Variants in MYO6 observed in about 807,000 individuals in gnomAD.
MYO6 encodes the protein unconventional myosin-VI.
A neutral mutation model predicts 178.7 loss-of-function variants in MYO6; 74 were observed. That is an observed-to-expected ratio of 0.41 (90% CI 0.34 to 0.50). The LOEUF (loss-of-function observed/expected upper bound fraction) is 0.50. MYO6 is among the 20% of genes least tolerant of loss of function. The pLI is 0.09. For missense variants in MYO6, 1,330 were observed against 1,547.4 expected (o/e 0.86, Z 2.36); for synonymous variants, 477 against 504.6 (o/e 0.95, Z 0.73).
intron 9 of MYO6, among the ~76,000 whole-genome samples, chr6:75,843,902 T>G (rs1160334463): frequency 1.3e-5 from 2 of 152,154 alleles, no homozygotes; most frequent in Non-Finnish European, 2.9e-5. Flanking sequence ...TATAAAATTT[T>G]TTTTGGTATG....
intron 13 of MYO6, among the ~76,000 whole-genome samples, chr6:75,858,258 T>G (rs1253864381): frequency 1.3e-5 from 2 of 152,190 alleles, no homozygotes; most frequent in South Asian, 4.1e-4. Flanking sequence ...TCTAAAGCAC[T>G]TGTATTTTAA....
In MYO6 at chr6:75,858,533, G is replaced by C. The variant is rs555467524; in HGVS notation, c.1382-369G>C. On this transcript the variant is annotated intron_variant, in intron 13 of 34. Coordinates refer to ENST00000369977, the MANE Select transcript of MYO6 (RefSeq NM_004999.4). Reference sequence around the variant, plus strand: ...AGGCATGAGAATCACTTGAACCCGGGGGCGGAGGTTGCAGTGAGCCAAGAT... The same window carrying C: ...AGGCATGAGAATCACTTGAACCCGGCGGCGGAGGTTGCAGTGAGCCAAGAT... 1.4e-4 allele frequency among the ~76,000 whole-genome samples: 22 copies of C among 152,224 alleles called. No individual in the cohort carries two copies. The South Asian group carries it at 4.6e-3, about 32-fold the overall frequency.
intron 20 of MYO6, among the ~76,000 whole-genome samples, chr6:75,877,448 G>C (rs1417451704): frequency 6.6e-6 from 1 of 151,810 alleles, no homozygotes; most frequent in African/African-American, 2.4e-5. Flanking sequence ...TGTATTTTTA[G>C]AAGAGACTGA....
intron 19 of MYO6, among the ~76,000 whole-genome samples, chr6:75,872,072 T>C (rs1465888133): frequency 6.6e-6 from 1 of 152,024 alleles, no homozygotes; most frequent in Non-Finnish European, 1.5e-5. Flanking sequence ...GAGGTTGCAG[T>C]GAGCCAAGAT....
At chr6:75,799,271 TC>T in intron 1 of MYO6, among the ~76,000 whole-genome samples, 2 of 152,006 alleles carry the variant, frequency 1.3e-5, no homozygotes, top group South Asian at 4.2e-4. Context: ...GCCCCTGTAA[TC>T]CCAGCTACTA....
At chr6:75,878,896 G>A (rs1777776984) in intron 20 of MYO6, among the ~76,000 whole-genome samples, 1 of 152,124 alleles carries the variant, frequency 6.6e-6, no homozygotes, top group South Asian at 2.1e-4. Context: ...GACCTGAAAA[G>A]CTCACATTGA....
chr6:75,860,881 T>C (rs562677399), intron 14 of MYO6, 142 bp from the exon 15 acceptor site: 5 of 678,892 alleles, frequency 7.4e-6, no homozygotes, highest in African/African-American at 3.6e-5. Flanking sequence ...AAATCTGTTA[T>C]GTTTTTGGAA....
At chr6:75,787,712 CTCTCTCTCTCTCTCTCTCTATATATA>C (rs1258133183) in intron 1 of MYO6, among the ~76,000 whole-genome samples, 18 of 66,988 alleles carry the variant, frequency 2.7e-4, no homozygotes, top group East Asian at 2.2e-3. Context: ...CTCTCTCTCT[CTCTCTCTCTCTCTCTCTCTATATATA>C]TATATATATA....
At chr6:75,841,646 A>T (rs1165352882) in intron 9 of MYO6, among the ~76,000 whole-genome samples, 1 of 152,122 alleles carries the variant, frequency 6.6e-6, no homozygotes, top group Admixed American at 6.5e-5. Context: ...GTGAGCCATG[A>T]TTGTGCCACT....
At position 75,914,129 on chromosome 6, in the gene MYO6, G is replaced by A. The variant is rs763284731; in HGVS notation, c.3506G>A (p.Arg1169His). ...GAGATTGAAATGAACCGACAGCAAC[G>A]CTTCTTCCGCATCCCATTCATCCGC... ...QREIEMNRQQRFFRIPFIRPA... is the reference protein window; with the variant it reads ...QREIEMNRQQHFFRIPFIRPA... The change falls in exon 34 of 35, where the codon CGC (arginine) becomes CAC (histidine). Residue 1169 changes from arginine to histidine, a missense_variant. Physicochemically the swap from Arg to His is conservative, Grantham distance 29. This residue lies in a region of MYO6 where 601 missense variants were observed against 626.1 expected (regional missense o/e 0.96). Coordinates refer to ENST00000369977, the MANE Select transcript of MYO6 (RefSeq NM_004999.4). 1.2e-5 allele frequency: 20 copies of A among 1,613,990 alleles called. No individual in the cohort carries two copies. In the East Asian group the frequency reaches 1.8e-4, roughly 14 times the overall value.
At chr6:75,849,680 A>G (rs1013280351) in intron 11 of MYO6, among the ~76,000 whole-genome samples, 7 of 152,194 alleles carry the variant, frequency 4.6e-5, no homozygotes, top group African/African-American at 1.7e-4. Context: ...CCGAGTGGGT[A>G]GCCAGAGTTA....
At chr6:75,797,113 A>G (rs1768929218) in intron 1 of MYO6, among the ~76,000 whole-genome samples, 1 of 151,992 alleles carries the variant, frequency 6.6e-6, no homozygotes, top group Admixed American at 6.6e-5. Flanking sequence ...TTTTTGAGAC[A>G]GAGTCTTGCT....
At chr6:75,908,424 A>G (rs1041700016) in intron 31 of MYO6, 72 bp from the exon 32 acceptor site, 1 of 1,460,612 alleles carries the variant, frequency 6.8e-7, no homozygotes, top group African/African-American at 1.4e-5. Context: ...ATGCGACAGA[A>G]TAATTATATC....
At position 75,917,925 on chromosome 6, in the gene MYO6, G is replaced by C. The variant is rs1388125338; in HGVS notation, c.*2913G>C. Reference sequence around the variant, plus strand: ...AAGTAGCTTAAGAGTACTTGGATCAGTAGAATAAATATTTATTGAATCAAT... The same window carrying C: ...AAGTAGCTTAAGAGTACTTGGATCACTAGAATAAATATTTATTGAATCAAT... On this transcript the variant is annotated 3_prime_UTR_variant, in exon 35 of 35. Transcript: ENST00000369977. The C allele has an allele frequency of 6.6e-6, 1 of 152,424 alleles. No homozygotes were observed. The highest frequency in any genetic ancestry group is 1.5e-5 in the Non-Finnish European group (1 of 68,034). 9.4% of individuals were successfully genotyped at this position (152,424 alleles called of 1,614,324 possible).
At chr6:75,908,418 G>A (rs1349556366) in intron 31 of MYO6, 78 bp from the exon 32 acceptor site, 29 of 1,408,810 alleles carry the variant, frequency 2.1e-5, no homozygotes, top group Admixed American at 5.7e-5. Flanking sequence ...CTCCTTATGC[G>A]ACAGAATAAT....
chr6:75,799,984 A>T (rs1037190507), intron 1 of MYO6, among the ~76,000 whole-genome samples: 1 of 151,958 alleles, frequency 6.6e-6, no homozygotes, highest in African/African-American at 2.4e-5. Context: ...AGTTTCTAGG[A>T]TCTTATTTCT....
chr6:75,823,804 T>G (rs888698676), intron 3 of MYO6, among the ~76,000 whole-genome samples: 1 of 152,232 alleles, frequency 6.6e-6, no homozygotes, highest in Non-Finnish European at 1.5e-5. Flanking sequence ...GTCTCTCTTC[T>G]GAAATTCTCA....
intron 1 of MYO6, among the ~76,000 whole-genome samples, chr6:75,809,209 A>G (rs1332717984): frequency 6.6e-6 from 1 of 152,232 alleles, no homozygotes; most frequent in Non-Finnish European, 1.5e-5. Flanking sequence ...CCTGCCTGAC[A>G]TAGTCCCCAG....
At position 75,895,305 on chromosome 6, in the gene MYO6, T is replaced by A. The variant is rs199995052; in HGVS notation, c.3137+45T>A. On this transcript the variant is annotated intron_variant, in intron 29 of 34. Coordinates refer to ENST00000369977, the MANE Select transcript of MYO6 (RefSeq NM_004999.4). ...CTTTTTAAAAATAGGTTGTAGATAC[T>A]TTTTGGGAGTAGTTTTCTCATTGGA... The A allele has an allele frequency of 1.2e-3, 1,687 of 1,452,950 alleles. 1 individual carries two copies. Among genetic ancestry groups the A allele is most frequent in the Non-Finnish European group, 1.4e-3 (1,466 of 1,036,022 alleles). The allele number at this position is 1,452,950 out of a possible 1,614,324, so 90.0% of individuals were successfully genotyped here. A position where few individuals can be genotyped will look rare whatever the true frequency, so the allele number is the denominator to read the frequency against.
Sources: gnomAD v4.1 joint callset for allele counts (sites outside exome capture counted in the v4.1 genomes callset) on GRCh38, gnomAD v4.1.1 for gene constraint, gnomAD v4.1.1 regional missense constraint, MANE v1.5 for transcripts, NCBI Gene and HGNC (gene_info 2026-07-23, HGNC 2026-07-21) for gene names.